KLHL12: variants seen among roughly 807,000 people sequenced by gnomAD.
KLHL12 encodes the protein kelch-like protein 12.
KLHL12 carries 17 observed loss-of-function variants against 60.8 expected under a neutral mutation model. The observed-to-expected ratio is 0.28, with a 90% CI of 0.19 to 0.42. KLHL12 has a LOEUF of 0.42. Among genes scored for constraint, KLHL12 ranks in the 10% least tolerant of loss-of-function variants. The probability of loss-of-function intolerance (pLI) is 1.00; values close to 1 mark genes in which losing one functional copy is unlikely to be tolerated. For missense variants in KLHL12, 468 were observed against 722.3 expected, an observed-to-expected ratio of 0.65 and a Z score of 4.04; for synonymous variants, 220 against 250.9, an observed-to-expected ratio of 0.88 and a Z score of 1.16.
chr1:202,893,523 A>G lies in KLHL12; in HGVS notation c.1394-98T>C. 9.9e-7 allele frequency: 1 copy of G among 1,014,728 alleles called. No homozygotes were observed. The highest frequency in any genetic ancestry group is 2.5e-5 in the East Asian group (1 of 39,530). The allele number at this position is 1,014,728 out of a possible 1,614,324, so 62.9% of individuals were successfully genotyped here. A position where few individuals can be genotyped will look rare whatever the true frequency, so the allele number is the denominator to read the frequency against. Reference sequence around the variant, plus strand: ...TCACTAATGACTAGCTGAGTTCTACAGTAGATGAGGGATATGGAATGGGCC... The same window carrying G: ...TCACTAATGACTAGCTGAGTTCTACGGTAGATGAGGGATATGGAATGGGCC... On this transcript the variant is annotated intron_variant, in intron 10 of 11. Coordinates refer to ENST00000367261, the MANE Select transcript of KLHL12 (RefSeq NM_021633.4). This position sits in a 1 kb window ranked among gnomAD's most constrained non-coding sequence, Gnocchi z 4.1.
intron 2 of KLHL12, among the ~76,000 whole-genome samples, chr1:202,924,032 C>T (rs1389183781): frequency 6.6e-6 from 1 of 152,144 alleles, no homozygotes; most frequent in East Asian, 1.9e-4. Flanking sequence ...TTTAAATCTG[C>T]TCTTAAAATG....
rs188044530 is a variant in KLHL12 at position 202,913,235 on chromosome 1, A to G, written c.568-2032T>C. Among the ~76,000 whole-genome samples the G allele has an allele frequency of 8.7e-4, 132 of 152,294 alleles. 1 individual carries two copies. Among genetic ancestry groups the G allele is most frequent in the Non-Finnish European group, 1.3e-3 (86 of 68,008 alleles). On this transcript the variant is annotated intron_variant, in intron 4 of 11. Transcript: ENST00000367261. ...GATACACTCTAAAAAAACCTACACT[A>G]CATCACTGGAAGGACTTAGGTATAT...
At position 202,895,101 on chromosome 1, in the gene KLHL12, G is replaced by T. The variant is rs547722160; in HGVS notation, c.1136-352C>A. Among the ~76,000 whole-genome samples the T allele has an allele frequency of 3.0e-4, 46 of 152,214 alleles. No individual in the cohort carries two copies. The highest frequency in any genetic ancestry group is 1.1e-3 in the African/African-American group (45 of 41,546). On this transcript the variant is annotated intron_variant, in intron 8 of 11. Coordinates refer to ENST00000367261, the MANE Select transcript of KLHL12 (RefSeq NM_021633.4). The surrounding 1 kb of genome is among the most constrained non-coding windows in gnomAD (Gnocchi z 4.2). ...CTGATATTTCTGAAAGCAAAAAGGA[G>T]TATTTGTCGGCTGGGCACAGTGGCT...
chr1:202,916,383 G>A (rs541455236), intron 4 of KLHL12, among the ~76,000 whole-genome samples: 6 of 152,374 alleles, frequency 3.9e-5, no homozygotes, highest in South Asian at 2.1e-4. Context: ...GCCAGGAGCC[G>A]TGGCTCACAC....
intron 3 of KLHL12, among the ~76,000 whole-genome samples, chr1:202,919,041 C>T (rs1385227183): frequency 3.3e-5 from 5 of 152,292 alleles, no homozygotes; most frequent in East Asian, 1.9e-4. Context: ...CTCGAGCCCA[C>T]GAGCTTGAGA....
At position 202,927,102 on chromosome 1, in the gene KLHL12, C is replaced by T. The variant is rs1379109674; in HGVS notation, c.-59G>A. 1.0e-6 allele frequency: 1 copy of T among 985,574 alleles called. No homozygotes were observed. The highest frequency in any genetic ancestry group is 1.1e-4 in the East Asian group (1 of 8,790). 61.1% of individuals were successfully genotyped at this position (985,574 alleles called of 1,614,324 possible). On this transcript the variant is annotated 5_prime_UTR_variant, in exon 1 of 12. Transcript: ENST00000367261. The stretch of plus-strand genomic sequence containing the variant: ...CGCGCAACTCACCTCCGCTCCCGAA[C>T]CCACACAGCCGCACCGGGCCCGTCC...
rs201652933 is a variant in KLHL12, at chr1:202,925,450, A to G, written c.-45-243T>C. On this transcript the variant is annotated intron_variant, in intron 1 of 11. Transcript: ENST00000367261. ...GTGTCCCTACCACTTGACATTTAAT[A>G]TGATCAATGCTGAAATGTAAGTAGA... Among the ~76,000 whole-genome samples, 11 of 152,288 alleles carry G rather than the reference A, an allele frequency of 7.2e-5. No individual in the cohort carries two copies. In the East Asian group the frequency reaches 2.1e-3, roughly 29 times the overall value.
intron 6 of KLHL12, among the ~76,000 whole-genome samples, chr1:202,897,986 T>C (rs1287710505): frequency 6.6e-6 from 1 of 152,168 alleles, no homozygotes; most frequent in Non-Finnish European, 1.5e-5. Context: ...AAAGGAAAAG[T>C]CTTTTTCTCT....
Position 202,918,376 on chromosome 1 carries a change from G to A in KLHL12, c.362C>T (p.Ala121Val). The change falls in exon 4 of 12, where the codon GCC becomes GTC. Residue 121 changes from alanine to valine, a missense_variant. By Grantham distance (64) the Ala-to-Val change is moderately conservative (BLOSUM62 0). This residue lies in a region of KLHL12 where 339 missense variants were observed against 525.0 expected (regional missense o/e 0.65). Transcript: ENST00000367261. ...CTGACTTTCTAAGAACTCACAGCAG[G>A]CTTGTTTCACACCTAGGACAGACAC... Reference protein sequence around the residue: ...CLLQLKGVKQACCEFLESQLD... With the variant: ...CLLQLKGVKQVCCEFLESQLD... 6.2e-7 allele frequency: 1 copy of A among 1,613,814 alleles called. No individual in the cohort carries two copies. Among genetic ancestry groups the A allele is most frequent in the Admixed American group, 1.7e-5 (1 of 60,020 alleles).
At chr1:202,902,017 T>TA (rs1660021735) in intron 6 of KLHL12, among the ~76,000 whole-genome samples, 1 of 148,810 alleles carries the variant, frequency 6.7e-6, no homozygotes, top group Non-Finnish European at 1.5e-5. Flanking sequence ...TTTTTACTGC[T>TA]AAAAAACTTG....
chr1:202,919,969 C>A (rs1264015330), intron 2 of KLHL12, 61 bp from the exon 3 acceptor site: 15 of 1,377,872 alleles, frequency 1.1e-5, no homozygotes, highest in Non-Finnish European at 1.5e-5. Flanking sequence ...AAGGCAGAAT[C>A]TCATATCTAA....
chr1:202,904,854 T>A (rs192131278), intron 6 of KLHL12, among the ~76,000 whole-genome samples: 3 of 152,230 alleles, frequency 2.0e-5, no homozygotes, highest in African/African-American at 7.2e-5. Flanking sequence ...AGCCACAAAT[T>A]AGAAAAGTAA....
chr1:202,910,635 T>C (rs1488848788), intron 5 of KLHL12, among the ~76,000 whole-genome samples: 1 of 152,218 alleles, frequency 6.6e-6, no homozygotes, highest in Non-Finnish European at 1.5e-5. Flanking sequence ...CAACATGATA[T>C]GATTAAAGTT....
intron 4 of KLHL12, chr1:202,911,711 C>G: frequency 1.7e-6 from 1 of 580,160 alleles, no homozygotes; most frequent in Non-Finnish European, 3.1e-6. Context: ...GCAGGAGCTT[C>G]TCTAACATCA....
chr1:202,903,629 C>CTTTTTTTTTCTTT (rs1660088830), intron 6 of KLHL12, among the ~76,000 whole-genome samples: 1 of 76,086 alleles, frequency 1.3e-5, no homozygotes, highest in Non-Finnish European at 2.5e-5. Context: ...TTTTTCTTTT[C>CTTTTTTTTTCTTT]TTTTTTTTTT....
chr1:202,916,890 C>T (rs1660537900), intron 4 of KLHL12, among the ~76,000 whole-genome samples: 1 of 151,052 alleles, frequency 6.6e-6, no homozygotes, highest in Non-Finnish European at 1.5e-5. Flanking sequence ...GGGAGAGCTG[C>T]TTGAGCTCAG....
At chr1:202,912,473 G>A in intron 4 of KLHL12, 1 of 886,982 alleles carries the variant, frequency 1.1e-6, no homozygotes, top group Non-Finnish European at 1.9e-6. Context: ...TGGTGGTGGT[G>A]GATATGGTGG....
intron 6 of KLHL12, among the ~76,000 whole-genome samples, chr1:202,901,457 C>T (rs1448348992): frequency 1.8e-5 from 1 of 56,662 alleles, no homozygotes. Context: ...AACCCAGCTA[C>T]CTTTTTTTTT....
chr1:202,909,609 G>A lies in KLHL12; in HGVS notation c.718-485C>T, dbSNP rs963834200. On this transcript the variant is annotated intron_variant, in intron 5 of 11. Transcript: ENST00000367261. The surrounding 1 kb of genome is among the most constrained non-coding windows in gnomAD (Gnocchi z 4.1). ...GTCTATTTCTGACAGCTCTGTACTG[G>A]ACATCTTTCATTTGCCTCCCAACTC... 6.6e-6 allele frequency among the ~76,000 whole-genome samples: 1 copy of A among 152,066 alleles called. No individual in the cohort carries two copies. The highest frequency in any genetic ancestry group is 1.5e-5 in the Non-Finnish European group (1 of 68,002).
Sources: gnomAD v4.1 joint callset for allele counts (sites outside exome capture counted in the v4.1 genomes callset) on GRCh38, gnomAD v4.1.1 for gene constraint, gnomAD v4.1.1 regional missense constraint, Gnocchi (gnomAD v3.1) non-coding constraint, MANE v1.5 for transcripts, NCBI Gene and HGNC (gene_info 2026-07-23, HGNC 2026-07-21) for gene names.